The following LRRC4C variants were observed in gnomAD, a reference collection of about 807,000 sequenced individuals.
LRRC4C encodes leucine-rich repeat-containing protein 4C.
Under a neutral mutation model 33.6 loss-of-function variants are expected in LRRC4C, and 5 were observed. That is an observed-to-expected ratio of 0.15 (90% CI 0.08 to 0.31). LRRC4C has a LOEUF of 0.31. Among genes scored for constraint, LRRC4C ranks in the 10% least tolerant of loss-of-function variants. The pLI is 1.00. For synonymous variants in LRRC4C, 329 were observed against 302.0 expected (o/e 1.09, Z -0.93); for missense variants, 560 against 796.7 (o/e 0.70, Z 3.58).
chr11:40,932,999 C>CAAGAAA (rs1957696869), intron 2 of LRRC4C, among the ~76,000 whole-genome samples: 1 of 152,022 alleles, frequency 6.6e-6, no homozygotes, highest in East Asian at 1.9e-4. Flanking sequence ...GGTCAACTGA[C>CAAGAAA]AAGAAAAATA....
chr11:41,048,260 C>CTTTTTTTTTT (rs35599405), intron 1 of LRRC4C, among the ~76,000 whole-genome samples: 1 of 107,102 alleles, frequency 9.3e-6, no homozygotes, highest in African/African-American at 3.6e-5. Flanking sequence ...AGATTCTTTA[C>CTTTTTTTTTT]TTTTTTTTTT....
intron 2 of LRRC4C, among the ~76,000 whole-genome samples, chr11:40,732,894 A>G (rs1009931521): frequency 1.3e-5 from 2 of 151,960 alleles, no homozygotes; most frequent in African/African-American, 4.8e-5. Context: ...TTAGGTTAAG[A>G]CATTCTTAAC....
In LRRC4C at chr11:41,418,014, C is replaced by CCA. The variant is rs1565657525; in HGVS notation, c.-496+41415_-496+41416dup. On this transcript the variant is annotated intron_variant, in intron 1 of 6. Transcript: ENST00000528697. ...CATATACACACACACATAGACCCCC[C>CCA]CACACACACATATGCTGGATCATAG... Among the ~76,000 whole-genome samples the CCA allele has an allele frequency of 2.0e-5, 3 of 151,178 alleles. No individual in the cohort carries two copies. In the Admixed American group the frequency reaches 2.0e-4, roughly 10 times the overall value.
At chr11:40,629,976 C>T (rs1312087906) in intron 3 of LRRC4C, among the ~76,000 whole-genome samples, 2 of 152,030 alleles carry the variant, frequency 1.3e-5, no homozygotes, top group Non-Finnish European at 2.9e-5. Context: ...TTTCTCAGTA[C>T]TAAAATCTCT....
chr11:40,154,017 T>C (rs1338647420), intron 5 of LRRC4C, among the ~76,000 whole-genome samples: 1 of 152,102 alleles, frequency 6.6e-6, no homozygotes, highest in African/African-American at 2.4e-5. Flanking sequence ...GAAAGAATCT[T>C]AAGAGCTGTG....
intron 2 of LRRC4C, among the ~76,000 whole-genome samples, chr11:40,889,852 T>A (rs1318459956): frequency 6.6e-6 from 1 of 152,154 alleles, no homozygotes; most frequent in African/African-American, 2.4e-5. Context: ...ATCTACTTCA[T>A]ATATATATTA....
chr11:41,295,714 T>C (rs933309491), intron 1 of LRRC4C, among the ~76,000 whole-genome samples: 1 of 152,094 alleles, frequency 6.6e-6, no homozygotes, highest in Admixed American at 6.6e-5. Context: ...TCATATCATG[T>C]CTTATATTAT....
In LRRC4C at chr11:40,374,145, G is replaced by A. The variant is rs76406885; in HGVS notation, c.-269-54424C>T. Reference sequence around the variant, plus strand: ...ATTCTCATTAATTACTGGGGGAAACGAAAATCATATAACCATTTTGTAAGA... The same window carrying A: ...ATTCTCATTAATTACTGGGGGAAACAAAAATCATATAACCATTTTGTAAGA... On this transcript the variant is annotated intron_variant, in intron 3 of 6. Coordinates refer to ENST00000528697, the MANE Select transcript of LRRC4C (RefSeq NM_001258419.2). Among the ~76,000 whole-genome samples, 1,116 of 152,232 alleles carry A rather than the reference G, an allele frequency of 7.3e-3. 13 individuals are homozygous for A. The highest frequency in any genetic ancestry group is 0.025 in the African/African-American group (1,055 of 41,548).
intron 1 of LRRC4C, among the ~76,000 whole-genome samples, chr11:40,986,807 T>C (rs1853043244): frequency 6.6e-6 from 1 of 152,236 alleles, no homozygotes; most frequent in East Asian, 1.9e-4. Context: ...TGTATCTATA[T>C]ATCTGTGTAT....
At chr11:40,973,528 A>C (rs56135484) in intron 1 of LRRC4C, among the ~76,000 whole-genome samples, 5,358 of 152,294 alleles carry the variant, frequency 0.035, 162 homozygotes, top group South Asian at 0.14. Flanking sequence ...CACTAGGAAG[A>C]GAATAGATGT....
intron 3 of LRRC4C, among the ~76,000 whole-genome samples, chr11:40,451,875 G>A (rs922158387): frequency 6.6e-6 from 1 of 152,152 alleles, no homozygotes; most frequent in Admixed American, 6.6e-5. Flanking sequence ...TGCAGAAGAC[G>A]AATGATTTCT....
chr11:41,067,546 G>A (rs547722349), intron 1 of LRRC4C, among the ~76,000 whole-genome samples: 1 of 152,250 alleles, frequency 6.6e-6, no homozygotes, highest in African/African-American at 2.4e-5. Flanking sequence ...CTTGAACTCA[G>A]CCCTGGATCA....
At chr11:40,847,812 T>C (rs1011952206) in intron 2 of LRRC4C, among the ~76,000 whole-genome samples, 2 of 150,518 alleles carry the variant, frequency 1.3e-5, no homozygotes, top group Non-Finnish European at 3.0e-5. Flanking sequence ...ATTGGTACGA[T>C]ATTAACTACT....
chr11:40,551,161 T>A (rs1440428722), intron 3 of LRRC4C, among the ~76,000 whole-genome samples: 1 of 152,088 alleles, frequency 6.6e-6, no homozygotes, highest in Admixed American at 6.6e-5. Context: ...AAATGTGTTA[T>A]CTGATTTTAG....
At chr11:41,158,808 A>G (rs979683348) in intron 1 of LRRC4C, among the ~76,000 whole-genome samples, 2 of 152,208 alleles carry the variant, frequency 1.3e-5, no homozygotes, top group South Asian at 2.1e-4. Context: ...CAAGCTCAAT[A>G]GATAGGAAAA....
intron 1 of LRRC4C, among the ~76,000 whole-genome samples, chr11:41,215,744 T>C (rs1947034007): frequency 6.6e-6 from 1 of 152,206 alleles, no homozygotes; most frequent in Non-Finnish European, 1.5e-5. Flanking sequence ...ATATTTTGTA[T>C]ATCCATTCAT....
intron 1 of LRRC4C, among the ~76,000 whole-genome samples, chr11:41,277,910 T>C (rs904978093): frequency 1.3e-5 from 2 of 151,902 alleles, no homozygotes; most frequent in African/African-American, 2.4e-5. Flanking sequence ...GAGGACATTA[T>C]GTTAAATGAC....
intron 3 of LRRC4C, among the ~76,000 whole-genome samples, chr11:40,343,030 A>ATT (rs146852965): frequency 6.6e-6 from 1 of 151,162 alleles, no homozygotes; most frequent in Admixed American, 6.6e-5. Flanking sequence ...TTTTATATAT[A>ATT]TATTTTTTGC....
intron 2 of LRRC4C, among the ~76,000 whole-genome samples, chr11:40,899,979 T>A (rs1185889379): frequency 6.6e-6 from 1 of 152,152 alleles, no homozygotes; most frequent in East Asian, 1.9e-4. Flanking sequence ...ACCCCAATAG[T>A]CTTTTGCCCC....
Sources: gnomAD v4.1 joint callset for allele counts (sites outside exome capture counted in the v4.1 genomes callset) on GRCh38, gnomAD v4.1.1 for gene constraint, MANE v1.5 for transcripts, NCBI Gene and HGNC (gene_info 2026-07-23, HGNC 2026-07-21) for gene names.